The following PTPRN2 variants were observed in gnomAD, a reference collection of about 807,000 sequenced individuals.
PTPRN2 encodes the protein receptor-type tyrosine-protein phosphatase N2.
A neutral mutation model predicts 118.8 loss-of-function variants in PTPRN2; 74 were observed. The ratio of observed to expected loss-of-function variants is 0.62; its 90% CI spans 0.52 to 0.76. The LOEUF (loss-of-function observed/expected upper bound fraction) is 0.76, where lower values mean the gene tolerates loss of function less well. PTPRN2 is among the 30% of genes least tolerant of loss of function. The pLI is 0.00. For missense variants in PTPRN2, 1,481 were observed against 1,394.4 expected, an observed-to-expected ratio of 1.06 and a Z score of -0.99; for synonymous variants, 641 against 608.0, an observed-to-expected ratio of 1.05 and a Z score of -0.80.
At chr7:158,560,600 G>A (rs954867621) in intron 1 of PTPRN2, among the ~76,000 whole-genome samples, 5 of 152,284 alleles carry the variant, frequency 3.3e-5, no homozygotes, top group Admixed American at 6.5e-5. Flanking sequence ...CCGTGTGGCG[G>A]TTCCTCACTG....
intron 1 of PTPRN2, among the ~76,000 whole-genome samples, chr7:158,554,791 C>T (rs1038070648): frequency 6.6e-6 from 1 of 152,120 alleles, no homozygotes; most frequent in African/African-American, 2.4e-5. Context: ...CGATCCAGCG[C>T]AGGAGCACAG....
rs750370459 is a variant in PTPRN2 at position 158,081,241 on chromosome 7, C to CGTGT, written c.1723+53_1723+56dup. ...GGCTGTGCATGTGCGTGTTTGCGTG[C>CGTGT]GTGTGTGTGTGCACACACGTGTGTG... On this transcript the variant is annotated intron_variant, in intron 11 of 22. Coordinates refer to ENST00000389418, the MANE Select transcript of PTPRN2 (RefSeq NM_002847.5). The CGTGT allele has an allele frequency of 2.0e-6, 3 of 1,483,250 alleles. No homozygotes were observed. The Admixed American group carries it at 5.0e-5, about 25-fold the overall frequency. 91.9% of individuals were successfully genotyped at this position (1,483,250 alleles called of 1,614,324 possible).
rs1200653189 is a variant in PTPRN2, at chr7:158,544,984, G to A, written c.112+42574C>T. Among the ~76,000 whole-genome samples the A allele has an allele frequency of 6.6e-6, 1 of 152,172 alleles. No homozygotes were observed. ...CATCTGGAGCTCCTGCCCAGAAATGGGAAGGTGATCTGCATCCTCCCAGGC... is the reference window on the plus strand; with the variant it reads ...CATCTGGAGCTCCTGCCCAGAAATGAGAAGGTGATCTGCATCCTCCCAGGC... On this transcript the variant is annotated intron_variant, in intron 1 of 22. Coordinates refer to ENST00000389418, the MANE Select transcript of PTPRN2 (RefSeq NM_002847.5). The surrounding 1 kb of genome is among the most constrained non-coding windows in gnomAD (Gnocchi z 4.2).
At chr7:158,058,856 C>A (rs1328701603) in intron 11 of PTPRN2, among the ~76,000 whole-genome samples, 2 of 123,238 alleles carry the variant, frequency 1.6e-5, no homozygotes, top group Non-Finnish European at 3.3e-5. Flanking sequence ...GACATCACTG[C>A]AGCCACACTC....
chr7:158,545,697 T>G (rs905014590), intron 1 of PTPRN2, among the ~76,000 whole-genome samples: 2 of 152,164 alleles, frequency 1.3e-5, no homozygotes, highest in South Asian at 4.2e-4. Context: ...TGTCCCTGTT[T>G]CCTTCAAAAT....
intron 2 of PTPRN2, among the ~76,000 whole-genome samples, chr7:158,340,700 T>C (rs1348817894): frequency 2.6e-5 from 2 of 76,832 alleles, no homozygotes; most frequent in African/African-American, 5.2e-5. Context: ...AGGTGAAACC[T>C]GCAGACGTCA....
At chr7:158,535,996 CTAACCAGAACCCCACACA>C (rs1301680878) in intron 1 of PTPRN2, among the ~76,000 whole-genome samples, 1 of 150,446 alleles carries the variant, frequency 6.6e-6, no homozygotes, top group Non-Finnish European at 1.5e-5. Flanking sequence ...TGGGACCTTA[CTAACCAGAACCCCACACA>C]TAACCACACA....
intron 3 of PTPRN2, among the ~76,000 whole-genome samples, chr7:158,314,832 C>A (rs1802162167): frequency 6.6e-6 from 1 of 150,790 alleles, no homozygotes; most frequent in Non-Finnish European, 1.5e-5. Flanking sequence ...GCTGGGACCC[C>A]CTGAAGGACA....
chr7:158,406,702 T>C (rs1277678252), intron 2 of PTPRN2, among the ~76,000 whole-genome samples: 1 of 152,234 alleles, frequency 6.6e-6, no homozygotes, highest in Non-Finnish European at 1.5e-5. Flanking sequence ...TCTAGAAGAC[T>C]ACCTCTCATC....
chr7:158,016,760 G>A (rs1563330980), intron 11 of PTPRN2, among the ~76,000 whole-genome samples: 1 of 152,214 alleles, frequency 6.6e-6, no homozygotes, highest in African/African-American at 2.4e-5. Flanking sequence ...TGGCAAGACC[G>A]TGTTTACCAA....
chr7:158,222,704 C>T (rs1458978871), intron 3 of PTPRN2, among the ~76,000 whole-genome samples: 4 of 151,540 alleles, frequency 2.6e-5, no homozygotes, highest in Non-Finnish European at 4.4e-5. Context: ...ACCCTCAAAC[C>T]GAAAACAAAA....
At chr7:157,926,311 C>T (rs75490926) in intron 11 of PTPRN2, among the ~76,000 whole-genome samples, 1 of 151,478 alleles carries the variant, frequency 6.6e-6, no homozygotes, top group Non-Finnish European at 1.5e-5. Flanking sequence ...AGCCACAGTA[C>T]ACTGAGGGTC....
At chr7:157,691,149 T>G (rs1797478970) in intron 12 of PTPRN2, among the ~76,000 whole-genome samples, 1 of 142,158 alleles carries the variant, frequency 7.0e-6, no homozygotes, top group Non-Finnish European at 1.5e-5. Flanking sequence ...CCCGAGACTA[T>G]GAATGGACAT....
chr7:157,622,291 CAT>C lies in PTPRN2; in HGVS notation c.2197-784_2197-783del, dbSNP rs1187695374. Among the ~76,000 whole-genome samples the C allele has an allele frequency of 1.3e-5, 2 of 152,068 alleles. No homozygotes were observed. Among genetic ancestry groups the C allele is most frequent in the African/African-American group, 2.4e-5 (1 of 41,422 alleles). On this transcript the variant is annotated intron_variant, in intron 14 of 22. Transcript: ENST00000389418. The surrounding 1 kb of genome is among the most constrained non-coding windows in gnomAD (Gnocchi z 5.3). ...TGTGGATTTGCAAGGTACTGTGTGT[CAT>C]GTGTAGACACAGGTTCCAAGTGTGT...
At chr7:158,156,170 C>T (rs1821803032) in intron 6 of PTPRN2, among the ~76,000 whole-genome samples, 1 of 152,182 alleles carries the variant, frequency 6.6e-6, no homozygotes, top group Admixed American at 6.5e-5. Flanking sequence ...CACTGTCATG[C>T]CGCAATATTT....
chr7:157,772,228 C>CACACACAT (rs1301656394), intron 12 of PTPRN2, among the ~76,000 whole-genome samples: 4 of 151,808 alleles, frequency 2.6e-5, no homozygotes, highest in Admixed American at 6.6e-5. Context: ...GACACAGACA[C>CACACACAT]ACACACATAC....
chr7:157,837,939 G>A (rs1244742580), intron 12 of PTPRN2, among the ~76,000 whole-genome samples: 1 of 149,622 alleles, frequency 6.7e-6, no homozygotes. Flanking sequence ...CTCCACCGTG[G>A]CTACTCCAGT....
intron 2 of PTPRN2, among the ~76,000 whole-genome samples, chr7:158,415,499 T>C (rs1470871861): frequency 1.3e-5 from 2 of 152,154 alleles, no homozygotes; most frequent in Non-Finnish European, 1.5e-5. Context: ...CAGATTCAGA[T>C]GTCACTGCTC....
intron 12 of PTPRN2, among the ~76,000 whole-genome samples, chr7:157,778,571 T>C (rs1254981055): frequency 1.3e-5 from 2 of 151,996 alleles, no homozygotes; most frequent in Non-Finnish European, 2.9e-5. Context: ...TACATGTGCA[T>C]TCAGGTGTTG....
Sources: allele counts gnomAD v4.1 joint callset (sites outside exome capture counted in the v4.1 genomes callset), GRCh38; gene constraint gnomAD v4.1.1; non-coding constraint Gnocchi (gnomAD v3.1); transcripts MANE v1.5; gene names NCBI Gene and HGNC (gene_info 2026-07-23, HGNC 2026-07-21).